HIVEP2: variants seen among roughly 807,000 people sequenced by gnomAD.
HIVEP2 encodes the protein transcription factor HIVEP2.
Under a neutral mutation model 180.7 loss-of-function variants are expected in HIVEP2, and 14 were observed. The observed-to-expected ratio is 0.08, with a 90% confidence interval of 0.05 to 0.12. The LOEUF (loss-of-function observed/expected upper bound fraction) is 0.12. Ranked by LOEUF, HIVEP2 falls within the 10% of genes least tolerant of loss-of-function variation. The probability of loss-of-function intolerance (pLI) is 1.00; values close to 1 mark genes in which losing one functional copy is unlikely to be tolerated. For synonymous variants in HIVEP2, 1,184 were observed against 1,136.4 expected, an observed-to-expected ratio of 1.04 and a Z score of -0.84; for missense variants, 2,579 against 3,008.5, an observed-to-expected ratio of 0.86 and a Z score of 3.34.
intron 2 of HIVEP2, among the ~76,000 whole-genome samples, chr6:142,808,292 G>A (rs1776601806): frequency 6.6e-6 from 1 of 152,162 alleles, no homozygotes; most frequent in Admixed American, 6.5e-5. Flanking sequence ...CACAAGAAAT[G>A]CTCTGTAAAT....
At chr6:142,872,746 C>A (rs1407954083) in intron 1 of HIVEP2, among the ~76,000 whole-genome samples, 1 of 152,178 alleles carries the variant, frequency 6.6e-6, no homozygotes, top group Non-Finnish European at 1.5e-5. Flanking sequence ...AACTAGCTAC[C>A]TCTTTTCTGT....
chr6:142,796,996 CTCA>C (rs1582868262), intron 2 of HIVEP2, among the ~76,000 whole-genome samples: 1 of 152,134 alleles, frequency 6.6e-6, no homozygotes, highest in African/African-American at 2.4e-5. Context: ...TTACATGTCT[CTCA>C]TCATGAATGG....
chr6:142,783,905 T>C (rs1024079657), intron 2 of HIVEP2, among the ~76,000 whole-genome samples: 5 of 152,240 alleles, frequency 3.3e-5, no homozygotes, highest in Admixed American at 3.3e-4. Flanking sequence ...TTGTAGTCCA[T>C]GATACGGTTC....
chr6:142,883,313 G>A (rs978374647), intron 1 of HIVEP2, among the ~76,000 whole-genome samples: 5 of 151,796 alleles, frequency 3.3e-5, no homozygotes, highest in African/African-American at 7.3e-5. Flanking sequence ...CCATCAGCAC[G>A]CAGCCTTGAA....
At chr6:142,882,098 A>G (rs1360603758) in intron 1 of HIVEP2, among the ~76,000 whole-genome samples, 1 of 152,214 alleles carries the variant, frequency 6.6e-6, no homozygotes, top group Non-Finnish European at 1.5e-5. Flanking sequence ...CCTAAGCCCC[A>G]GCAGACAAGC....
intron 1 of HIVEP2, among the ~76,000 whole-genome samples, chr6:142,917,487 A>G (rs996339127): frequency 1.3e-5 from 2 of 152,224 alleles, no homozygotes; most frequent in African/African-American, 4.8e-5. Context: ...TCCAAATAAC[A>G]AATTTTATTC....
intron 1 of HIVEP2, among the ~76,000 whole-genome samples, chr6:142,940,623 T>G (rs753983798): frequency 3.3e-5 from 5 of 152,240 alleles, no homozygotes; most frequent in Non-Finnish European, 7.3e-5. Flanking sequence ...CCCACTGGCT[T>G]GTTTTTAACT....
intron 1 of HIVEP2, among the ~76,000 whole-genome samples, chr6:142,846,272 GAAGAAAAAAAAA>G (rs910242357): frequency 2.6e-4 from 39 of 149,958 alleles, no homozygotes; most frequent in Non-Finnish European, 4.1e-4. Context: ...AATTTCCTTT[GAAGAAAAAAAAA>G]AAGAAAAAAG....
intron 1 of HIVEP2, among the ~76,000 whole-genome samples, chr6:142,854,824 G>A (rs182149178): frequency 2.6e-5 from 4 of 152,164 alleles, no homozygotes; most frequent in Non-Finnish European, 5.9e-5. Context: ...TGAAATGCTC[G>A]CAGCCACCCA....
At chr6:142,942,239 A>G (rs1411010007) in intron 1 of HIVEP2, among the ~76,000 whole-genome samples, 2 of 152,212 alleles carry the variant, frequency 1.3e-5, no homozygotes, top group Admixed American at 1.3e-4. Flanking sequence ...CTGAAACCCA[A>G]TACAGTGTAC....
At chr6:142,790,230 C>T (rs1776104948) in intron 2 of HIVEP2, among the ~76,000 whole-genome samples, 1 of 152,182 alleles carries the variant, frequency 6.6e-6, no homozygotes, top group Middle Eastern at 3.2e-3. Context: ...GTAACACCAA[C>T]TCCACAGGCA....
At position 142,879,969 on chromosome 6, in the gene HIVEP2, T is replaced by A. The variant is rs1776542396; in HGVS notation, c.-640-42922A>T. 2.0e-5 allele frequency among the ~76,000 whole-genome samples: 3 copies of A among 152,174 alleles called. 1 individual carries two copies. The South Asian group carries it at 6.2e-4, about 32-fold the overall frequency. On this transcript the variant is annotated intron_variant, in intron 1 of 9. Coordinates refer to ENST00000367603, the MANE Select transcript of HIVEP2 (RefSeq NM_006734.4). Reference sequence around the variant, plus strand: ...CATATTGTATCTACAGGGACTAGCATAGAACCTGGCATATAGAATACCCTC... The same window carrying A: ...CATATTGTATCTACAGGGACTAGCAAAGAACCTGGCATATAGAATACCCTC...
chr6:142,803,678 T>G (rs1240482987), intron 2 of HIVEP2, among the ~76,000 whole-genome samples: 1 of 151,906 alleles, frequency 6.6e-6, no homozygotes, highest in Admixed American at 6.6e-5. Context: ...AGTCAGTAGT[T>G]GCCTTCACTG....
At chr6:142,861,876 G>A (rs914025212) in intron 1 of HIVEP2, among the ~76,000 whole-genome samples, 4 of 152,130 alleles carry the variant, frequency 2.6e-5, no homozygotes, top group African/African-American at 7.2e-5. Context: ...CTAGAGATTA[G>A]AATTTGGCCC....
chr6:142,819,366 T>C (rs1443802678), intron 2 of HIVEP2, among the ~76,000 whole-genome samples: 2 of 152,220 alleles, frequency 1.3e-5, no homozygotes, highest in Non-Finnish European at 2.9e-5. Flanking sequence ...CAGGAGCTTT[T>C]ATGAATCTTA....
intron 2 of HIVEP2, among the ~76,000 whole-genome samples, chr6:142,810,717 G>A (rs547422312): frequency 3.4e-5 from 5 of 145,326 alleles, no homozygotes; most frequent in East Asian, 4.0e-4. Flanking sequence ...AGCTAAGATC[G>A]CGCCACTGCA....
At chr6:142,937,224 A>G (rs1351266066) in intron 1 of HIVEP2, among the ~76,000 whole-genome samples, 1 of 152,238 alleles carries the variant, frequency 6.6e-6, no homozygotes, top group African/African-American at 2.4e-5. Context: ...ATGTGAAACC[A>G]TGTCATTCTA....
intron 2 of HIVEP2, among the ~76,000 whole-genome samples, chr6:142,797,239 T>C (rs1362368429): frequency 1.3e-5 from 2 of 152,102 alleles, no homozygotes; most frequent in African/African-American, 4.8e-5. Context: ...GCTTACAAGT[T>C]CTGGATGAAA....
chr6:142,787,871 C>T (rs1356492310), intron 2 of HIVEP2, among the ~76,000 whole-genome samples: 1 of 152,042 alleles, frequency 6.6e-6, no homozygotes, highest in African/African-American at 2.4e-5. Context: ...ATTACTGGGA[C>T]AACAATGTAG....
Sources: gnomAD v4.1 joint callset for allele counts (sites outside exome capture counted in the v4.1 genomes callset) on GRCh38, gnomAD v4.1.1 for gene constraint, MANE v1.5 for transcripts, NCBI Gene and HGNC (gene_info 2026-07-23, HGNC 2026-07-21) for gene names.